The following TRHDE variants were observed in gnomAD, a reference collection of about 807,000 sequenced individuals.
TRHDE encodes the protein thyrotropin-releasing hormone-degrading ectoenzyme.
Under a neutral mutation model 125.7 loss-of-function variants are expected in TRHDE, and 72 were observed. That is an observed-to-expected ratio of 0.57 (90% CI 0.47 to 0.70). The LOEUF (loss-of-function observed/expected upper bound fraction) is 0.70. Among genes scored for constraint, TRHDE ranks in the 30% least tolerant of loss-of-function variants. The pLI, the probability that TRHDE is intolerant of heterozygous loss-of-function variation, is 0.00. For missense variants in TRHDE, 1,110 were observed against 1,327.1 expected, an observed-to-expected ratio of 0.84 and a Z score of 2.54; for synonymous variants, 509 against 509.1, an observed-to-expected ratio of 1.00 and a Z score of 0.00.
At chr12:72,484,063 C>G (rs1344500200) in intron 5 of TRHDE, among the ~76,000 whole-genome samples, 1 of 151,984 alleles carries the variant, frequency 6.6e-6, no homozygotes, top group African/African-American at 2.4e-5. Context: ...TGGTATGAGA[C>G]AGTTTCCATT....
chr12:72,529,062 A>C (rs1208355600), intron 6 of TRHDE, among the ~76,000 whole-genome samples: 1 of 152,094 alleles, frequency 6.6e-6, no homozygotes, highest in Non-Finnish European at 1.5e-5. Flanking sequence ...CCTCTGTCAG[A>C]TAATTTTATT....
intron 15 of TRHDE, among the ~76,000 whole-genome samples, chr12:72,628,531 A>G (rs1873353794): frequency 6.6e-6 from 1 of 151,854 alleles, no homozygotes; most frequent in Non-Finnish European, 1.5e-5. Flanking sequence ...TTTTAATTTA[A>G]TCAGTTTGTT....
chr12:72,269,100 G>A (rs1879134030), upstream of TRHDE, among the ~76,000 whole-genome samples: 1 of 151,858 alleles, frequency 6.6e-6, no homozygotes, highest in Admixed American at 6.6e-5. Context: ...TGTGAGGTGC[G>A]AACTCTGAAA....
intron 2 of TRHDE, among the ~76,000 whole-genome samples, chr12:72,367,920 G>T (rs1871405111): frequency 6.6e-6 from 1 of 152,164 alleles, no homozygotes; most frequent in Non-Finnish European, 1.5e-5. Context: ...GCTCTGGCAA[G>T]TCAGAAGGTT....
intron 2 of TRHDE, among the ~76,000 whole-genome samples, chr12:72,327,056 A>G (rs1464203664): frequency 6.6e-6 from 1 of 151,922 alleles, no homozygotes; most frequent in Non-Finnish European, 1.5e-5. Flanking sequence ...TATAAGATCT[A>G]TTATCAGGTT....
chr12:72,475,664 G>A (rs982988974), intron 5 of TRHDE, among the ~76,000 whole-genome samples: 1 of 152,132 alleles, frequency 6.6e-6, no homozygotes, highest in Admixed American at 6.5e-5. Context: ...AGACAACTGA[G>A]ACTTTGTTCT....
At chr12:72,101,027 T>C (rs186693682) in intron 1 of TRHDE, among the ~76,000 whole-genome samples, 1 of 152,338 alleles carries the variant, frequency 6.6e-6, no homozygotes, top group East Asian at 1.9e-4. Context: ...GATGTGCTAG[T>C]GTGACTGCAG....
chr12:72,572,542 T>C (rs931908666), intron 10 of TRHDE, among the ~76,000 whole-genome samples: 1 of 152,054 alleles, frequency 6.6e-6, no homozygotes, highest in African/African-American at 2.4e-5. Flanking sequence ...TATAATTAAC[T>C]AGAACTGAAA....
chr12:72,174,946 T>C (rs1488101699), intron 2 of TRHDE, among the ~76,000 whole-genome samples: 1 of 152,224 alleles, frequency 6.6e-6, no homozygotes, highest in Non-Finnish European at 1.5e-5. Flanking sequence ...ACAATACTTT[T>C]TTAAAGTTTT....
At chr12:72,247,650 T>C (rs1878599383) in intron 2 of TRHDE, among the ~76,000 whole-genome samples, 1 of 152,318 alleles carries the variant, frequency 6.6e-6, no homozygotes, top group Admixed American at 6.5e-5. Flanking sequence ...TCAAAGTATA[T>C]TTTGGGATTG....
At chr12:72,619,152 T>C (rs1872943538) in intron 13 of TRHDE, 114 bp downstream of exon 13, 1 of 802,986 alleles carries the variant, frequency 1.2e-6, no homozygotes, top group East Asian at 3.3e-5. Flanking sequence ...TTCTAGTTTG[T>C]GTTATCCCGA....
At chr12:72,259,446 A>G (rs1565674979) in intron 2 of TRHDE, among the ~76,000 whole-genome samples, 1 of 152,136 alleles carries the variant, frequency 6.6e-6, no homozygotes, top group Non-Finnish European at 1.5e-5. Flanking sequence ...CAGAGTCTCA[A>G]TAAACTCTTG....
At chr12:72,314,473 T>C (rs1350482677) in intron 2 of TRHDE, among the ~76,000 whole-genome samples, 1 of 152,150 alleles carries the variant, frequency 6.6e-6, no homozygotes, top group East Asian at 1.9e-4. Context: ...ATATTTTCAT[T>C]ATAGACATTA....
At chr12:72,497,814 T>G (rs756508811) in intron 5 of TRHDE, among the ~76,000 whole-genome samples, 1 of 152,196 alleles carries the variant, frequency 6.6e-6, no homozygotes, top group Non-Finnish European at 1.5e-5. Context: ...TAGTGTTGCT[T>G]TTCAGTGGAC....
At chr12:72,389,822 T>G (rs574498719) in intron 3 of TRHDE, among the ~76,000 whole-genome samples, 1 of 152,110 alleles carries the variant, frequency 6.6e-6, no homozygotes, top group South Asian at 2.1e-4. Context: ...TTTTAAAGAA[T>G]CACATTGGCT....
At chr12:72,088,247 T>C (rs1221231330) in intron 1 of TRHDE, among the ~76,000 whole-genome samples, 1 of 151,958 alleles carries the variant, frequency 6.6e-6, no homozygotes, top group African/African-American at 2.4e-5. Context: ...GATGTGAAGA[T>C]CAAAAGATGA....
Position 72,142,130 on chromosome 12 carries a change from C to T in TRHDE, n.279+36378C>T, listed in dbSNP as rs550230090. On this transcript the variant is annotated intron_variant and non_coding_transcript_variant, in intron 2 of 4. Transcript: ENST00000548156. Reference sequence around the variant, plus strand: ...CATGCATACAATTTCCTAAACACACCGTGCCTGCTCAATTCTGAAGGGTAA... The same window carrying T: ...CATGCATACAATTTCCTAAACACACTGTGCCTGCTCAATTCTGAAGGGTAA... Among the ~76,000 whole-genome samples the T allele has an allele frequency of 7.9e-4, 120 of 151,770 alleles. 5 individuals carry two copies. In the South Asian group the frequency reaches 0.023, roughly 29 times the overall value.
intron 2 of TRHDE, among the ~76,000 whole-genome samples, chr12:72,359,418 T>A (rs1870968915): frequency 6.6e-6 from 1 of 151,604 alleles, no homozygotes; most frequent in African/African-American, 2.4e-5. Flanking sequence ...GACAAGCCAA[T>A]ACAAAACAAC....
At chr12:72,224,146 CTATGTATG>C (rs10647795) in intron 2 of TRHDE, among the ~76,000 whole-genome samples, 1,052 of 46,372 alleles carry the variant, frequency 0.023, 28 homozygotes, top group African/African-American at 0.07. Context: ...ATCTATTTAT[CTATGTATG>C]TATGTATGTA....
Sources: allele counts gnomAD v4.1 joint callset (sites outside exome capture counted in the v4.1 genomes callset), GRCh38; gene constraint gnomAD v4.1.1; transcripts MANE v1.5; gene names NCBI Gene and HGNC (gene_info 2026-07-23, HGNC 2026-07-21).